The following FLRT1 variants were observed in gnomAD, a reference collection of about 807,000 sequenced individuals.
FLRT1 encodes the protein fibronectin leucine rich transmembrane protein 1, also known as leucine-rich repeat transmembrane protein FLRT1.
In FLRT1, 14 loss-of-function variants were observed where a neutral mutation model predicts 30.9. That is an observed-to-expected ratio of 0.45 (90% CI 0.30 to 0.71). FLRT1 has a LOEUF of 0.71. FLRT1 is among the 30% of genes least tolerant of loss of function. FLRT1 has a pLI of 0.08. For missense variants in FLRT1, 737 were observed against 949.2 expected (o/e 0.78, Z 2.94); for synonymous variants, 368 against 430.4 (o/e 0.85, Z 1.80).
intron 2 of FLRT1, among the ~76,000 whole-genome samples, chr11:64,115,832 T>C (rs896034131): frequency 6.6e-6 from 1 of 152,190 alleles, no homozygotes; most frequent in African/African-American, 2.4e-5. Context: ...CTGGTACCTT[T>C]AGCGTTGGCC....
rs149500638 is a variant in FLRT1, at chr11:64,045,688, G to A, written c.-1038+9529G>A. Among the ~76,000 whole-genome samples the A allele has an allele frequency of 2.1e-3, 317 of 152,342 alleles. 1 individual carries two copies. The highest frequency in any genetic ancestry group is 7.1e-3 in the African/African-American group (295 of 41,562). ...TCAAAGGCAGGCGCACATCCCTGCTGCTGGCCAGCCATGTGGTTGCATAAG... is the reference window on the plus strand; with the variant it reads ...TCAAAGGCAGGCGCACATCCCTGCTACTGGCCAGCCATGTGGTTGCATAAG... On this transcript the variant is annotated intron_variant, in intron 1 of 2. Transcript: ENST00000682287.
At position 64,063,163 on chromosome 11, in the gene FLRT1, G is replaced by A. The variant is rs186178304; in HGVS notation, c.-1038+27004G>A. Reference sequence around the variant, plus strand: ...GGTGATCAAAGGCACAGATGCAGGAGCTGGGTGTGTTAAGGCTCTGTGCGC... The same window carrying A: ...GGTGATCAAAGGCACAGATGCAGGAACTGGGTGTGTTAAGGCTCTGTGCGC... On this transcript the variant is annotated intron_variant, in intron 1 of 2. Coordinates refer to ENST00000682287, the MANE Select transcript of FLRT1 (RefSeq NM_013280.5). Among the ~76,000 whole-genome samples the A allele has an allele frequency of 3.0e-3, 453 of 152,304 alleles. 5 individuals are homozygous for A. The highest frequency in any genetic ancestry group is 0.01 in the African/African-American group (419 of 41,556).
chr11:64,052,814 GC>G (rs1215024179), intron 1 of FLRT1, among the ~76,000 whole-genome samples: 2 of 152,194 alleles, frequency 1.3e-5, no homozygotes, highest in Non-Finnish European at 2.9e-5. Flanking sequence ...TGGTCCAGGG[GC>G]CCTTTGCCCA....
At position 64,064,883 on chromosome 11, in the gene FLRT1, G is replaced by C. The variant is rs1042976824; in HGVS notation, c.-1038+28724G>C. On this transcript the variant is annotated intron_variant, in intron 1 of 2. Transcript: ENST00000682287. This position sits in a 1 kb window ranked among gnomAD's most constrained non-coding sequence, Gnocchi z 4.5. ...ATTCATTCATTCATTCATTTGATGA[G>C]TGCTTCCAGAGCCCACCTATGACGT... is the stretch of plus-strand genomic sequence containing the variant. Among the ~76,000 whole-genome samples, 45 of 150,702 alleles carry C rather than the reference G, an allele frequency of 3.0e-4. No individual in the cohort carries two copies. Among genetic ancestry groups the C allele is most frequent in the African/African-American group, 1.1e-3 (43 of 40,822 alleles).
At position 64,116,647 on chromosome 11, in the gene FLRT1, G is replaced by A. The variant is rs200610220; in HGVS notation, c.380G>A (p.Arg127His). The A allele has an allele frequency of 1.8e-5, 29 of 1,614,014 alleles. No homozygotes were observed. The African/African-American group carries it at 2.0e-4, about 11-fold the overall frequency. Residue 127 changes from arginine to histidine, a missense_variant, in exon 3 of 3, where the codon CGC (arginine) becomes CAC (histidine). By Grantham distance (29) the Arg-to-His change is conservative (BLOSUM62 0). Coordinates refer to ENST00000682287, the MANE Select transcript of FLRT1 (RefSeq NM_013280.5). ...DLDEFPINLP[R>H]SLRELHLQDN... ...GATGAGTTCCCCATCAACCTGCCCC[G>A]CTCCCTCCGGGAGCTGCACCTGCAG...
intron 1 of FLRT1, among the ~76,000 whole-genome samples, chr11:64,053,593 G>A (rs1190986815): frequency 6.6e-6 from 1 of 152,200 alleles, no homozygotes; most frequent in African/African-American, 2.4e-5. Context: ...AGTGGGAGCA[G>A]GAAGTGGGAG....
At chr11:64,083,468 A>G (rs1488635833) in intron 1 of FLRT1, among the ~76,000 whole-genome samples, 1 of 152,104 alleles carries the variant, frequency 6.6e-6, no homozygotes, top group African/African-American at 2.4e-5. Context: ...AAAGAAGCAA[A>G]TGGCAGGATT....
chr11:64,102,289 T>C (rs549097697), intron 1 of FLRT1, among the ~76,000 whole-genome samples: 1 of 152,244 alleles, frequency 6.6e-6, no homozygotes, highest in Non-Finnish European at 1.5e-5. Context: ...CGGGGTTTTG[T>C]TTTGGATTCC....
intron 1 of FLRT1, among the ~76,000 whole-genome samples, chr11:64,037,644 A>G (rs1234361978): frequency 6.6e-6 from 1 of 152,106 alleles, no homozygotes; most frequent in Non-Finnish European, 1.5e-5. Context: ...CCATGGGCAC[A>G]GGGTGTGTGT....
At chr11:64,040,127 G>A (rs1471303395) in intron 1 of FLRT1, among the ~76,000 whole-genome samples, 1 of 152,282 alleles carries the variant, frequency 6.6e-6, no homozygotes, top group African/African-American at 2.4e-5. Flanking sequence ...AACAAAAGCA[G>A]TGGGTGTCTT....
chr11:64,116,911 T>A lies in FLRT1; in HGVS notation c.644T>A (p.Leu215Gln), dbSNP rs779682037. The change falls in exon 3 of 3, where the codon CTG (leucine) becomes CAG (glutamine). Residue 215 changes from leucine (L) to glutamine (Q), a missense_variant. Coordinates refer to ENST00000682287, the MANE Select transcript of FLRT1 (RefSeq NM_013280.5). ...GACAACCGCATCTCCACCATCCCGCTGCATGCCTTCAAGGGCCTCAACAGC... is the reference window on the plus strand; with the variant it reads ...GACAACCGCATCTCCACCATCCCGCAGCATGCCTTCAAGGGCCTCAACAGC... Reference protein sequence around the residue: ...LDDNRISTIPLHAFKGLNSLR... With the variant: ...LDDNRISTIPQHAFKGLNSLR... 70 of 1,611,454 alleles carry A rather than the reference T, an allele frequency of 4.3e-5. No homozygotes were observed. Among genetic ancestry groups the A allele is most frequent in the Non-Finnish European group, 5.9e-5 (70 of 1,180,022 alleles).
At chr11:64,095,418 A>T (rs1944559089) in intron 1 of FLRT1, among the ~76,000 whole-genome samples, 1 of 152,172 alleles carries the variant, frequency 6.6e-6, no homozygotes, top group African/African-American at 2.4e-5. Flanking sequence ...GAGCATGTTT[A>T]TGGGAAGGAG....
At position 64,116,630 on chromosome 11, in the gene FLRT1, C is replaced by T. The variant is rs1424728214; in HGVS notation, c.363C>T (p.Phe121=). ...TATACGAGAATGACCTGGATGAGTTCCCCATCAACCTGCCCCGCTCCCTCC... is the reference window on the plus strand; with the variant it reads ...TATACGAGAATGACCTGGATGAGTTTCCCATCAACCTGCCCCGCTCCCTCC... ...IYLYENDLDE[F]PINLPRSLRE... Residue 121 remains phenylalanine, a synonymous_variant, in exon 3 of 3, where the codon TTC becomes TTT. Coordinates refer to ENST00000682287, the MANE Select transcript of FLRT1 (RefSeq NM_013280.5). 1 of 1,614,176 alleles carries T rather than the reference C, an allele frequency of 6.2e-7. No homozygotes were observed. Among genetic ancestry groups the T allele is most frequent in the East Asian group, 2.2e-5 (1 of 44,886 alleles).
chr11:64,083,927 G>T (rs1232857965), intron 1 of FLRT1, among the ~76,000 whole-genome samples: 4 of 152,220 alleles, frequency 2.6e-5, no homozygotes, highest in Non-Finnish European at 5.9e-5. Context: ...GTGGGCAGGG[G>T]CACATATGCG....
chr11:64,118,486 A>G lies in FLRT1; in HGVS notation c.*194A>G. ...CAGTGACAATTTTTTTTAAAAGAAT[A>G]GAAGGCAGGAGGGGGAATTCGACAT... On this transcript the variant is annotated 3_prime_UTR_variant, in exon 3 of 3. Coordinates refer to ENST00000682287, the MANE Select transcript of FLRT1 (RefSeq NM_013280.5). 1 of 530,400 alleles carries G rather than the reference A, an allele frequency of 1.9e-6. No individual in the cohort carries two copies. The highest frequency in any genetic ancestry group is 6.2e-5 in the South Asian group (1 of 16,024). The allele number at this position is 530,400 out of a possible 1,614,324, so 32.9% of individuals were successfully genotyped here. A position where few individuals can be genotyped will look rare whatever the true frequency, so the allele number is the denominator to read the frequency against.
intron 1 of FLRT1, among the ~76,000 whole-genome samples, chr11:64,097,831 G>A (rs1467569369): frequency 2.0e-5 from 3 of 152,180 alleles, no homozygotes; most frequent in Non-Finnish European, 4.4e-5. Flanking sequence ...GCCTGGGGCT[G>A]CAGGCTGCAG....
intron 2 of FLRT1, among the ~76,000 whole-genome samples, chr11:64,109,659 C>A (rs1168129300): frequency 1.3e-5 from 2 of 152,178 alleles, no homozygotes; most frequent in African/African-American, 2.4e-5. Context: ...ACCCTGCCCC[C>A]AGCCTGGAGG....
Position 64,118,166 on chromosome 11 carries a change from C to T in FLRT1, c.1899C>T (p.Tyr633=), listed in dbSNP as rs756814601. 5.7e-5 allele frequency: 92 copies of T among 1,613,588 alleles called. No homozygotes were observed. The highest frequency in any genetic ancestry group is 3.3e-4 in the Middle Eastern group (2 of 6,082). ...ACCCGTACCGCGCCAAAGAAGAGTA[C>T]GTGGTCCACACTATCTTCCCCTCCA... The part of the protein sequence containing the change: ...PINPYRAKEE[Y]VVHTIFPSNG... Residue 633 remains tyrosine, a synonymous_variant, in exon 3 of 3, where the codon TAC becomes TAT. Coordinates refer to ENST00000682287, the MANE Select transcript of FLRT1 (RefSeq NM_013280.5).
intron 1 of FLRT1, among the ~76,000 whole-genome samples, chr11:64,098,801 T>C (rs1944621843): frequency 6.6e-6 from 1 of 152,210 alleles, no homozygotes; most frequent in South Asian, 2.1e-4. Flanking sequence ...GGCAGGCATG[T>C]TGTTCATTTA....
Sources: gnomAD v4.1 joint callset for allele counts (sites outside exome capture counted in the v4.1 genomes callset) on GRCh38, gnomAD v4.1.1 for gene constraint, Gnocchi (gnomAD v3.1) non-coding constraint, MANE v1.5 for transcripts, NCBI Gene and HGNC (gene_info 2026-07-23, HGNC 2026-07-21) for gene names.